TBC1D15: variants seen among roughly 807,000 people sequenced by gnomAD.
TBC1D15 encodes the protein TBC1 domain family member 15, also known as GAP for RAB7.
In TBC1D15, 39 loss-of-function variants were observed where a neutral mutation model predicts 95.4. That is an observed-to-expected ratio of 0.41 (90% CI 0.32 to 0.53). The LOEUF is 0.53. Ranked by LOEUF, TBC1D15 falls within the 20% of genes least tolerant of loss-of-function variation. The probability of loss-of-function intolerance (pLI) is 0.29; values close to 1 mark genes in which losing one functional copy is unlikely to be tolerated. For missense variants in TBC1D15, 733 were observed against 794.3 expected (o/e 0.92, Z 0.93); for synonymous variants, 258 against 261.3 (o/e 0.99, Z 0.12).
At chr12:71,856,414 C>G (rs146236831) in intron 1 of TBC1D15, among the ~76,000 whole-genome samples, 1 of 152,140 alleles carries the variant, frequency 6.6e-6, no homozygotes, top group African/African-American at 2.4e-5. Context: ...GGTGCTGATT[C>G]TTTGTAGAAT....
chr12:71,862,375 A>G (rs1319350022), intron 1 of TBC1D15, among the ~76,000 whole-genome samples: 1 of 152,128 alleles, frequency 6.6e-6, no homozygotes, highest in Non-Finnish European at 1.5e-5. Flanking sequence ...GAGTGCATAT[A>G]TATTTACAGT....
intron 1 of TBC1D15, chr12:71,854,469 T>G (rs1888557528): frequency 2.3e-6 from 1 of 439,610 alleles, no homozygotes; most frequent in Non-Finnish European, 4.5e-6. Context: ...TTTGTTGTTA[T>G]GAACTCTTAA....
In TBC1D15 at chr12:71,911,115, A is replaced by G. The variant is rs1219908405; in HGVS notation, c.1301-2711A>G. On this transcript the variant is annotated intron_variant, in intron 11 of 16. Coordinates refer to ENST00000485960, the MANE Select transcript of TBC1D15 (RefSeq NM_001146213.3). Reference sequence around the variant, plus strand: ...TTAGAATGGCAATCACTAAAAAGTCAGGAAACAACAGATGCTGGAGAGGAT... The same window carrying G: ...TTAGAATGGCAATCACTAAAAAGTCGGGAAACAACAGATGCTGGAGAGGAT... 2.0e-5 allele frequency among the ~76,000 whole-genome samples: 3 copies of G among 152,338 alleles called. No individual in the cohort carries two copies. In the East Asian group the frequency reaches 5.8e-4, roughly 29 times the overall value.
At chr12:71,863,116 C>T (rs1037934813) in intron 1 of TBC1D15, among the ~76,000 whole-genome samples, 3 of 152,132 alleles carry the variant, frequency 2.0e-5, no homozygotes, top group South Asian at 2.1e-4. Flanking sequence ...TGGTGGTTCA[C>T]GCCTACAATC....
Position 71,849,520 on chromosome 12 carries a change from T to G in TBC1D15, c.30+9709T>G, listed in dbSNP as rs140116415. On this transcript the variant is annotated intron_variant, in intron 1 of 16. Transcript: ENST00000485960. ...AAGAGCGAAAGAGAGAAGGTTCTTA[T>G]GGTCAGCTGTAGATTCAACTTCATT... 6.1e-4 allele frequency: 453 copies of G among 747,770 alleles called. No individual in the cohort carries two copies. The African/African-American group carries it at 7.4e-3, about 12-fold the overall frequency. The allele number at this position is 747,770 out of a possible 1,614,324, so 46.3% of individuals were successfully genotyped here.
Position 71,894,716 on chromosome 12 carries a change from A to G in TBC1D15, c.688A>G (p.Met230Val), listed in dbSNP as rs1233661572. 6.2e-7 allele frequency: 1 copy of G among 1,613,094 alleles called. No homozygotes were observed. ...TAAAAAGGACCCTTATACGGCAACT[A>G]TGATAGGATTTTCCAAAGTCACAAA... ...KIKKDPYTAT[M>V]IGFSKVTNYI... The change falls in exon 7 of 17, where the codon ATG becomes GTG. Residue 230 changes from methionine to valine, a missense_variant. Physicochemically the swap from Met to Val is conservative, Grantham distance 21. Transcript: ENST00000485960.
In TBC1D15 at chr12:71,880,489, A is replaced by AT; in HGVS notation, c.226dup (p.Trp76LeufsTer27). On this transcript the variant is annotated frameshift_variant, in exon 4 of 17. Transcript: ENST00000485960. LOFTEE classifies it high-confidence loss of function. Reference sequence around the variant, plus strand: ...TTTAGGACTCCAGTTCAGTTGTAGAATGGACTCAGGCCCCAAAAGAAAGAG... The same window carrying AT: ...TTTAGGACTCCAGTTCAGTTGTAGAATTGGACTCAGGCCCCAAAAGAAAGAG... The AT allele has an allele frequency of 6.2e-7, 1 of 1,602,256 alleles. No homozygotes were observed.
intron 11 of TBC1D15, among the ~76,000 whole-genome samples, chr12:71,908,523 T>C (rs1442439558): frequency 6.6e-6 from 1 of 152,194 alleles, no homozygotes; most frequent in Non-Finnish European, 1.5e-5. Flanking sequence ...TTCATAAATA[T>C]GTAAATTTCT....
chr12:71,867,426 A>G (rs1468086569), intron 1 of TBC1D15, among the ~76,000 whole-genome samples: 1 of 152,202 alleles, frequency 6.6e-6, no homozygotes, highest in Non-Finnish European at 1.5e-5. Flanking sequence ...TATTCTTTTC[A>G]TAAAATAGAG....
At chr12:71,909,330 A>T (rs1239140065) in intron 11 of TBC1D15, among the ~76,000 whole-genome samples, 1 of 152,210 alleles carries the variant, frequency 6.6e-6, no homozygotes, top group Admixed American at 6.5e-5. Context: ...TGATTTCATT[A>T]TATGGAGTTT....
rs767205213 is a variant in TBC1D15 at position 71,905,186 on chromosome 12, AAACAACTT to A, written c.1184-1835_1184-1828del. Among the ~76,000 whole-genome samples, 141 of 152,328 alleles carry A rather than the reference AAACAACTT, an allele frequency of 9.3e-4. 1 individual carries two copies. Among genetic ancestry groups the A allele is most frequent in the South Asian group, 3.5e-3 (17 of 4,826 alleles). ...AAATACTGATAGTTCATGAGAATAC[AAACAACTT>A]TTTTTTACTATGTTTAAAATACGTA... On this transcript the variant is annotated intron_variant, in intron 10 of 16. Transcript: ENST00000485960.
intron 1 of TBC1D15, among the ~76,000 whole-genome samples, chr12:71,855,278 T>A (rs1888771829): frequency 6.6e-6 from 1 of 152,100 alleles, no homozygotes; most frequent in Non-Finnish European, 1.5e-5. Context: ...GGTTTACAAT[T>A]TGAGATGAGA....
At position 71,853,765 on chromosome 12, in the gene TBC1D15, T is replaced by C. The variant is rs954455621; in HGVS notation, c.30+13954T>C. On this transcript the variant is annotated intron_variant, in intron 1 of 16. Transcript: ENST00000485960. ...ACTTTTGGGTCTTGCTTTTAAACTTTGCTAAATGGTATCAGCACTGCATTT... is the reference window on the plus strand; with the variant it reads ...ACTTTTGGGTCTTGCTTTTAAACTTCGCTAAATGGTATCAGCACTGCATTT... 3.8e-4 allele frequency among the ~76,000 whole-genome samples: 58 copies of C among 152,212 alleles called. 4 individuals carry two copies. The highest frequency in any genetic ancestry group is 8.8e-5 in the Non-Finnish European group (6 of 68,040).
chr12:71,911,149 A>G (rs1164622414), intron 11 of TBC1D15, among the ~76,000 whole-genome samples: 1 of 152,190 alleles, frequency 6.6e-6, no homozygotes, highest in African/African-American at 2.4e-5. Context: ...ATGTGGAGAA[A>G]TAGGAACACT....
chr12:71,853,081 C>T (rs1480537359), intron 1 of TBC1D15, among the ~76,000 whole-genome samples: 3 of 152,306 alleles, frequency 2.0e-5, no homozygotes, highest in African/African-American at 7.2e-5. Context: ...TTAATTGGCT[C>T]ACAGTTCTTC....
rs1292016547 is a variant in TBC1D15, at chr12:71,894,626, G to A, written c.658-60G>A. On this transcript the variant is annotated intron_variant, in intron 6 of 16. Coordinates refer to ENST00000485960, the MANE Select transcript of TBC1D15 (RefSeq NM_001146213.3). ...AAGCTTTGCTTTTTTGCTCATGATG[G>A]AGTATTCGTTTTTCTTTATTTGAGT... 2.1e-6 allele frequency: 3 copies of A among 1,433,506 alleles called. No individual in the cohort carries two copies. In the East Asian group the frequency reaches 6.9e-5, roughly 33 times the overall value. 88.8% of individuals were successfully genotyped at this position (1,433,506 alleles called of 1,614,324 possible). A position where few individuals can be genotyped will look rare whatever the true frequency, so the allele number is the denominator to read the frequency against.
At chr12:71,868,208 G>C (rs1394042921) in intron 1 of TBC1D15, among the ~76,000 whole-genome samples, 1 of 150,624 alleles carries the variant, frequency 6.6e-6, no homozygotes, top group Non-Finnish European at 1.5e-5. Context: ...AAGAGTTGAG[G>C]AACACAGAAT....
Position 71,923,415 on chromosome 12 carries a change from T to C in TBC1D15, c.*211T>C. ...AAATAGCCTTTCCTTTTCGATAACA[T>C]TCCTCAGTATTTTTATAGCCAAGTA... is the stretch of plus-strand genomic sequence containing the variant. On this transcript the variant is annotated 3_prime_UTR_variant, in exon 17 of 17. Coordinates refer to ENST00000485960, the MANE Select transcript of TBC1D15 (RefSeq NM_001146213.3). The C allele has an allele frequency of 2.1e-6, 1 of 475,892 alleles. No individual in the cohort carries two copies. The highest frequency in any genetic ancestry group is 3.7e-6 in the Non-Finnish European group (1 of 269,540). 29.5% of individuals were successfully genotyped at this position (475,892 alleles called of 1,614,324 possible). A position where few individuals can be genotyped will look rare whatever the true frequency, so the allele number is the denominator to read the frequency against.
intron 1 of TBC1D15, among the ~76,000 whole-genome samples, chr12:71,865,427 G>A (rs1294864752): frequency 6.6e-6 from 1 of 152,124 alleles, no homozygotes; most frequent in Non-Finnish European, 1.5e-5. Context: ...GAGCCAGTAG[G>A]GTTCAGTGGT....
Sources: allele counts gnomAD v4.1 joint callset (sites outside exome capture counted in the v4.1 genomes callset), GRCh38; gene constraint gnomAD v4.1.1; transcripts MANE v1.5; gene names NCBI Gene and HGNC (gene_info 2026-07-23, HGNC 2026-07-21).